The following ZC3H12B variants were observed in gnomAD, a reference collection of about 807,000 sequenced individuals.
The protein encoded by ZC3H12B is zinc finger CCCH-type containing 12B, also known as probable ribonuclease ZC3H12B.
ZC3H12B carries 7 observed loss-of-function variants against 43.9 expected under a neutral mutation model. That is an observed-to-expected ratio of 0.16 (90% CI 0.09 to 0.30). ZC3H12B has a LOEUF of 0.30. Among genes scored for constraint, ZC3H12B ranks in the 10% least tolerant of loss-of-function variants. The pLI is 1.00. For synonymous variants in ZC3H12B, 222 were observed against 241.7 expected, an observed-to-expected ratio of 0.92 and a Z score of 0.76; for missense variants, 475 against 670.2, an observed-to-expected ratio of 0.71 and a Z score of 3.22.
At chrX:65,190,611 G>A in the ZC3H12B span, among the ~76,000 whole-genome samples, 1 of 106,646 alleles carries the variant, frequency 9.4e-6, no homozygotes, top group Non-Finnish European at 1.9e-5. Context: ...TCTGTTGTTG[G>A]TGTATAAGAA....
chrX:65,376,487 C>T (rs1569381421), intron 2 of ZC3H12B, among the ~76,000 whole-genome samples: 1 of 111,496 alleles, frequency 9.0e-6, no homozygotes. Flanking sequence ...TTTTGCTGGC[C>T]TCAGGTCTGA....
the ZC3H12B span, among the ~76,000 whole-genome samples, chrX:65,229,467 G>A: frequency 9.2e-6 from 1 of 108,593 alleles, no homozygotes; most frequent in African/African-American, 3.3e-5. Context: ...TCAGGACATA[G>A]GCATGGGCAA....
chrX:65,270,171 C>T, the ZC3H12B span, among the ~76,000 whole-genome samples: 1 of 111,277 alleles, frequency 9.0e-6, no homozygotes, highest in African/African-American at 3.3e-5. Flanking sequence ...ATGGTACTGG[C>T]ATAAAAACAG....
chrX:65,151,163 A>T, the ZC3H12B span, among the ~76,000 whole-genome samples: 1 of 112,043 alleles, frequency 8.9e-6, no homozygotes, highest in Non-Finnish European at 1.9e-5. Flanking sequence ...TCAGTAAAAA[A>T]TATAACAGAC....
At chrX:65,080,619 G>A in the ZC3H12B span, among the ~76,000 whole-genome samples, 1 of 111,791 alleles carries the variant, frequency 8.9e-6, no homozygotes, top group African/African-American at 3.2e-5. Context: ...CCCTAGAATA[G>A]TATATCTGGT....
the ZC3H12B span, among the ~76,000 whole-genome samples, chrX:65,259,204 A>G: frequency 1.8e-5 from 2 of 112,115 alleles, no homozygotes; most frequent in Admixed American, 9.5e-5. Context: ...TAGTACTGGT[A>G]CAAAAACAGA....
chrX:65,491,319 T>C (rs2068199155), intron 1 of ZC3H12B, among the ~76,000 whole-genome samples: 1 of 111,795 alleles, frequency 8.9e-6, no homozygotes, highest in South Asian at 3.7e-4. Context: ...CTACCCAAGG[T>C]TACCCAAGCT....
intron 3 of ZC3H12B, among the ~76,000 whole-genome samples, chrX:65,421,116 T>A (rs2067012398): frequency 8.9e-6 from 1 of 112,414 alleles, no homozygotes; most frequent in African/African-American, 3.2e-5. Context: ...TTGATGACAC[T>A]ATGCTGACTG....
chrX:65,252,349 T>G, the ZC3H12B span, among the ~76,000 whole-genome samples: 1 of 111,426 alleles, frequency 9.0e-6, no homozygotes, highest in East Asian at 2.8e-4. Flanking sequence ...AGTATTTTAT[T>G]GAGGATTTTT....
At chrX:65,451,603 G>A (rs774055823) in intron 3 of ZC3H12B, among the ~76,000 whole-genome samples, 1 of 111,484 alleles carries the variant, frequency 9.0e-6, no homozygotes, top group African/African-American at 3.3e-5. Flanking sequence ...GCCTTCCAAA[G>A]TGTTTGTATT....
chrX:65,250,980 G>T, the ZC3H12B span, among the ~76,000 whole-genome samples: 2 of 111,983 alleles, frequency 1.8e-5, no homozygotes, highest in African/African-American at 6.5e-5. Flanking sequence ...TGTTGCCATT[G>T]CTTTTGGTGT....
the ZC3H12B span, chrX:65,187,265 A>AT: frequency 8.9e-6 from 1 of 111,870 alleles, no homozygotes; most frequent in Admixed American, 9.6e-5. Context: ...TGGTGGATGT[A>AT]TTTTTAGACC....
the ZC3H12B span, among the ~76,000 whole-genome samples, chrX:65,149,028 G>A: frequency 1.8e-5 from 2 of 111,370 alleles, no homozygotes; most frequent in African/African-American, 6.5e-5. Flanking sequence ...AGTTGTTTGG[G>A]TTTAAACTGT....
chrX:65,100,263 G>A, the ZC3H12B span, among the ~76,000 whole-genome samples: 4 of 110,277 alleles, frequency 3.6e-5, no homozygotes, highest in Admixed American at 1.9e-4. Context: ...TGATTGATTG[G>A]GGTCACTGAA....
At chrX:65,394,697 G>A (rs1398040031) in intron 2 of ZC3H12B, among the ~76,000 whole-genome samples, 1 of 111,573 alleles carries the variant, frequency 9.0e-6, no homozygotes, top group African/African-American at 3.3e-5. Flanking sequence ...TCCTTTTTTG[G>A]TTCCATATTA....
At chrX:65,333,881 T>C in the ZC3H12B span, among the ~76,000 whole-genome samples, 3 of 111,898 alleles carry the variant, frequency 2.7e-5, no homozygotes. Flanking sequence ...ACAACAATTA[T>C]AACTATTAAT....
chrX:65,487,235 T>C (rs2068135864), upstream of ZC3H12B, among the ~76,000 whole-genome samples: 1 of 112,917 alleles, frequency 8.9e-6, no homozygotes, highest in Non-Finnish European at 1.9e-5. Flanking sequence ...TAGAGGTTTT[T>C]CTTGTTTGTA....
chrX:65,318,888 A>G, the ZC3H12B span, among the ~76,000 whole-genome samples: 1 of 111,833 alleles, frequency 8.9e-6, no homozygotes, highest in African/African-American at 3.2e-5. Context: ...TAGAACAAAA[A>G]TACAACATAC....
chrX:65,257,208 G>A, the ZC3H12B span, among the ~76,000 whole-genome samples: 2 of 112,083 alleles, frequency 1.8e-5, no homozygotes, highest in African/African-American at 6.5e-5. Flanking sequence ...CAACCCAAAT[G>A]TCCATCAATG....
Sources: gnomAD v4.1 joint callset for allele counts (sites outside exome capture counted in the v4.1 genomes callset) on GRCh38, gnomAD v4.1.1 for gene constraint, MANE v1.5 for transcripts, NCBI Gene and HGNC (gene_info 2026-07-23, HGNC 2026-07-21) for gene names.